HS6ST2: variants seen among roughly 807,000 people sequenced by gnomAD.
The protein encoded by HS6ST2 is heparan sulfate 6-O-sulfotransferase 2.
In HS6ST2, 17 loss-of-function variants were observed where a neutral mutation model predicts 33.0. The ratio of observed to expected loss-of-function variants is 0.52; its 90% CI spans 0.35 to 0.77. HS6ST2 has a LOEUF of 0.77. Among genes scored for constraint, HS6ST2 ranks in the 30% least tolerant of loss-of-function variants. HS6ST2 has a pLI of 0.01. For synonymous variants in HS6ST2, 248 were observed against 237.1 expected (o/e 1.05, Z -0.42); for missense variants, 519 against 551.7 (o/e 0.94, Z 0.59).
At chrX:132,922,095 A>G (rs2066656649) in intron 2 of HS6ST2, among the ~76,000 whole-genome samples, 1 of 111,379 alleles carries the variant, frequency 9.0e-6, no homozygotes, top group Non-Finnish European at 1.9e-5. Context: ...ACAAATAAAC[A>G]CTCTTTCAAA....
chrX:132,947,493 A>T (rs2066969436), intron 2 of HS6ST2, among the ~76,000 whole-genome samples: 1 of 111,553 alleles, frequency 9.0e-6, no homozygotes, highest in African/African-American at 3.3e-5. Context: ...CTGAAAAAAA[A>T]ACTGAACTGT....
chrX:132,808,563 T>G (rs911269913), intron 2 of HS6ST2, among the ~76,000 whole-genome samples: 1 of 111,905 alleles, frequency 8.9e-6, no homozygotes, highest in Non-Finnish European at 1.9e-5. Context: ...CAATGGATAC[T>G]TTACAGAACT....
At chrX:132,722,187 C>CAA (rs1217492848) in intron 2 of HS6ST2, among the ~76,000 whole-genome samples, 265 of 43,886 alleles carry the variant, frequency 6.0e-3, no homozygotes, top group Middle Eastern at 0.016. Flanking sequence ...GACTCCGTCT[C>CAA]AAAAAAAAAA....
In HS6ST2 at chrX:132,845,680, G is replaced by A. The variant is rs193089162; in HGVS notation, c.947+111128C>T. Among the ~76,000 whole-genome samples the A allele has an allele frequency of 2.7e-5, 3 of 110,920 alleles. No individual in the cohort carries two copies. In the East Asian group the frequency reaches 8.5e-4, roughly 32 times the overall value. Reference sequence around the variant, plus strand: ...CATAAAAAATCCAGAAATCCCATCCGGCAACTTGAGCTTCTTAAAGTATTT... The same window carrying A: ...CATAAAAAATCCAGAAATCCCATCCAGCAACTTGAGCTTCTTAAAGTATTT... On this transcript the variant is annotated intron_variant, in intron 2 of 4. Coordinates refer to ENST00000370833, the MANE Select transcript of HS6ST2 (RefSeq NM_001394073.1).
chrX:132,859,851 G>A (rs1425152622), intron 2 of HS6ST2, among the ~76,000 whole-genome samples: 1 of 97,073 alleles, frequency 1.0e-5, no homozygotes, highest in Admixed American at 1.2e-4. Context: ...GGGAGAGAAG[G>A]AGGGAGAGAT....
chrX:132,688,718 G>T (rs1002332413), intron 3 of HS6ST2, among the ~76,000 whole-genome samples: 1 of 111,827 alleles, frequency 8.9e-6, no homozygotes, highest in Admixed American at 9.5e-5. Flanking sequence ...AATTCAAGAT[G>T]AGATTTGGGT....
Position 132,958,559 on chromosome X carries a change from C to T in HS6ST2, c.44G>A (p.Arg15Gln). 8.5e-7 allele frequency: 1 copy of T among 1,180,770 alleles called. No individual in the cohort carries two copies. Among genetic ancestry groups the T allele is most frequent in the Non-Finnish European group, 1.1e-6 (1 of 880,072 alleles). ...ACAVREFEPP[R>Q]QPERGAPVRT... ...GACGGGCGCTCCTCGCTCCGGTTGC[C>T]GCGGCGGCTCGAACTCCCGGACTGC... Residue 15 changes from arginine (R) to glutamine (Q), a missense_variant, in exon 1 of 5, where the codon CGG becomes CAG. Coordinates refer to ENST00000370833, the MANE Select transcript of HS6ST2 (RefSeq NM_001394073.1).
At chrX:132,781,222 T>C (rs1454078810) in intron 2 of HS6ST2, among the ~76,000 whole-genome samples, 1 of 111,774 alleles carries the variant, frequency 8.9e-6, no homozygotes, top group Non-Finnish European at 1.9e-5. Flanking sequence ...ACCCAATTGG[T>C]TTGAAAGGTT....
chrX:132,952,171 T>C (rs2067022171), intron 2 of HS6ST2, among the ~76,000 whole-genome samples: 1 of 112,205 alleles, frequency 8.9e-6, no homozygotes, highest in African/African-American at 3.2e-5. Flanking sequence ...TAGCCTTTTG[T>C]ACTACCTGAG....
intron 2 of HS6ST2, among the ~76,000 whole-genome samples, chrX:132,790,528 T>C (rs2065112176): frequency 8.9e-6 from 1 of 111,889 alleles, no homozygotes; most frequent in African/African-American, 3.2e-5. Context: ...TATGCCTGTA[T>C]TCAAAAGTAT....
At chrX:132,772,508 A>C in intron 2 of HS6ST2, among the ~76,000 whole-genome samples, 1 of 106,549 alleles carries the variant, frequency 9.4e-6, no homozygotes, top group Non-Finnish European at 1.9e-5. Flanking sequence ...TATATAATTA[A>C]TATATGTATA....
intron 2 of HS6ST2, among the ~76,000 whole-genome samples, chrX:132,803,582 T>C (rs967223857): frequency 1.1e-4 from 12 of 111,374 alleles, no homozygotes; most frequent in African/African-American, 3.9e-4. Flanking sequence ...CTAATTTTTG[T>C]ATTTTTAGTA....
At chrX:132,769,849 C>T (rs2064880565) in intron 2 of HS6ST2, among the ~76,000 whole-genome samples, 1 of 112,111 alleles carries the variant, frequency 8.9e-6, no homozygotes, top group South Asian at 3.8e-4. Context: ...AGAGCCAACA[C>T]TGTCTTCTGC....
chrX:132,710,491 G>C (rs2064222022), intron 2 of HS6ST2, among the ~76,000 whole-genome samples: 1 of 111,040 alleles, frequency 9.0e-6, no homozygotes, highest in Non-Finnish European at 1.9e-5. Flanking sequence ...AAAAATCCCT[G>C]ACTCTACAGA....
At chrX:132,648,445 A>G (rs1450300562) in intron 4 of HS6ST2, among the ~76,000 whole-genome samples, 1 of 109,631 alleles carries the variant, frequency 9.1e-6, no homozygotes, top group African/African-American at 3.3e-5. Flanking sequence ...AACTGTATTT[A>G]TCATTCTGAA....
chrX:132,826,640 T>C (rs1012621260), intron 2 of HS6ST2, among the ~76,000 whole-genome samples: 29 of 109,468 alleles, frequency 2.6e-4, no homozygotes, highest in Admixed American at 4.9e-4. Flanking sequence ...ATTATATATA[T>C]ATAGCTCACA....
intron 2 of HS6ST2, among the ~76,000 whole-genome samples, chrX:132,726,289 A>C (rs993037346): frequency 1.8e-5 from 2 of 111,217 alleles, no homozygotes; most frequent in African/African-American, 6.5e-5. Flanking sequence ...AAATATATAC[A>C]CCTACTATGT....
chrX:132,644,788 A>G (rs2063628542), intron 4 of HS6ST2, among the ~76,000 whole-genome samples: 1 of 110,364 alleles, frequency 9.1e-6, no homozygotes, highest in Admixed American at 9.7e-5. Context: ...ATCAGAAACA[A>G]AGGGCATTGT....
intron 2 of HS6ST2, among the ~76,000 whole-genome samples, chrX:132,757,527 G>T (rs1031577812): frequency 9.0e-6 from 1 of 111,160 alleles, no homozygotes; most frequent in South Asian, 3.8e-4. Context: ...TGGTGAGAAT[G>T]CAGAGTGGGG....
Sources: allele counts gnomAD v4.1 joint callset (sites outside exome capture counted in the v4.1 genomes callset), GRCh38; gene constraint gnomAD v4.1.1; transcripts MANE v1.5; gene names NCBI Gene and HGNC (gene_info 2026-07-23, HGNC 2026-07-21).